The following ABCA13 variants were observed in gnomAD, a reference collection of about 807,000 sequenced individuals.
ABCA13 encodes ATP-binding cassette sub-family A member 13.
A neutral mutation model predicts 478.7 loss-of-function variants in ABCA13; 476 were observed. The observed-to-expected ratio is 0.99, with a 90% CI of 0.92 to 1.07. The LOEUF (loss-of-function observed/expected upper bound fraction) is 1.07, where lower values mean the gene tolerates loss of function less well. Ranked by LOEUF, ABCA13 falls within the 50% of genes least tolerant of loss-of-function variation. ABCA13 has a pLI of 0.00. For missense variants in ABCA13, 6,060 were observed against 5,910.6 expected (o/e 1.03, Z -0.83); for synonymous variants, 2,252 against 2,158.9 (o/e 1.04, Z -1.20).
chr7:48,618,633 A>G (rs1792831984), intron 59 of ABCA13, among the ~76,000 whole-genome samples: 2 of 152,242 alleles, frequency 1.3e-5, no homozygotes, highest in Admixed American at 1.3e-4. Context: ...TGTGATTTCT[A>G]TTGGAAGGAA....
Position 48,644,879 on chromosome 7 carries a change from T to C in ABCA13, c.15081+125T>C, listed in dbSNP as rs562780215. The C allele has an allele frequency of 1.3e-5, 14 of 1,068,850 alleles. No homozygotes were observed. The East Asian group carries it at 3.6e-4, about 27-fold the overall frequency. The allele number at this position is 1,068,850 out of a possible 1,614,324, so 66.2% of individuals were successfully genotyped here. On this transcript the variant is annotated intron_variant, in intron 61 of 61. Transcript: ENST00000435803. Reference sequence around the variant, plus strand: ...TTTATTCAATTCATCTTGTTAAATTTTATAAAATTATGATAAGGATGGTGA... The same window carrying C: ...TTTATTCAATTCATCTTGTTAAATTCTATAAAATTATGATAAGGATGGTGA...
intron 13 of ABCA13, among the ~76,000 whole-genome samples, chr7:48,247,449 G>C (rs921929322): frequency 6.6e-6 from 1 of 152,076 alleles, no homozygotes; most frequent in Non-Finnish European, 1.5e-5. Flanking sequence ...ATATACTTGA[G>C]GTAGCCTTTT....
intron 56 of ABCA13, among the ~76,000 whole-genome samples, chr7:48,586,422 C>G (rs62447337): frequency 0.11 from 16,992 of 152,080 alleles, 1,332 homozygotes; most frequent in African/African-American, 0.23. Flanking sequence ...AAATCACATC[C>G]TTTGCAGCAG....
intron 15 of ABCA13, among the ~76,000 whole-genome samples, chr7:48,265,360 A>G (rs56024157): frequency 0.036 from 5,517 of 151,644 alleles, 305 homozygotes; most frequent in African/African-American, 0.12. Flanking sequence ...AATTGAGTCT[A>G]TAGATGAATT....
chr7:48,508,109 A>T, intron 50 of ABCA13, 60 bp downstream of exon 50: 1 of 1,601,214 alleles, frequency 6.2e-7, no homozygotes, highest in East Asian at 2.2e-5. Flanking sequence ...TAGTGCGTGT[A>T]TGGAGGGATG....
intron 38 of ABCA13, among the ~76,000 whole-genome samples, chr7:48,399,731 CA>C (rs1468361850): frequency 6.6e-6 from 1 of 152,084 alleles, no homozygotes; most frequent in Non-Finnish European, 1.5e-5. Flanking sequence ...TAGATGACAA[CA>C]GCAATGACAA....
chr7:48,293,511 T>C (rs1357285808), intron 20 of ABCA13, among the ~76,000 whole-genome samples: 1 of 152,208 alleles, frequency 6.6e-6, no homozygotes, highest in Non-Finnish European at 1.5e-5. Context: ...TAAGAATATG[T>C]TGATATAAAT....
At chr7:48,174,056 A>G (rs1279229100) in intron 1 of ABCA13, among the ~76,000 whole-genome samples, 1 of 152,250 alleles carries the variant, frequency 6.6e-6, no homozygotes, top group African/African-American at 2.4e-5. Context: ...TATTGAGGGC[A>G]GGCCCCTCTG....
At chr7:48,605,212 C>T (rs1182737875) in intron 58 of ABCA13, among the ~76,000 whole-genome samples, 1 of 152,108 alleles carries the variant, frequency 6.6e-6, no homozygotes, top group Non-Finnish European at 1.5e-5. Context: ...TTAATTGGGG[C>T]ACGTAGCCCA....
At chr7:48,276,626 T>C in intron 17 of ABCA13, 61 bp downstream of exon 17, 4 of 1,379,846 alleles carry the variant, frequency 2.9e-6, no homozygotes, top group Non-Finnish European at 4.1e-6. Flanking sequence ...ACTACTTTAT[T>C]TTCTGGAGTA....
chr7:48,249,345 C>G lies in ABCA13; in HGVS notation c.1999C>G (p.Leu667Val), dbSNP rs746321897. Residue 667 changes from leucine to valine, a missense_variant, in exon 15 of 62, where the codon CTA (leucine) becomes GTA (valine). By Grantham distance (32) the Leu-to-Val change is conservative (BLOSUM62 1). Coordinates refer to ENST00000435803, the MANE Select transcript of ABCA13 (RefSeq NM_152701.5). ...VNMQESFQNRLLAFPEESPCF... is the reference protein window; with the variant it reads ...VNMQESFQNRVLAFPEESPCF... ...TATGCAAGAGAGTTTCCAGAACAGA[C>G]TATTGGGTAAGTCAGTAGCCTAAAC... is the stretch of plus-strand genomic sequence containing the variant. 7 of 1,612,870 alleles carry G rather than the reference C, an allele frequency of 4.3e-6. No homozygotes were observed. In the South Asian group the frequency reaches 7.7e-5, roughly 18 times the overall value.
At position 48,245,999 on chromosome 7, in the gene ABCA13, T is replaced by G. The variant is rs1437632653; in HGVS notation, c.1628T>G (p.Leu543Ter). The change falls in exon 13 of 62, where the codon TTA becomes TGA. Residue 543 changes from leucine to a stop codon, truncating the protein, a stop_gained. Coordinates refer to ENST00000435803, the MANE Select transcript of ABCA13 (RefSeq NM_152701.5). LOFTEE classifies it high-confidence loss of function. ...CYCNSSETSV[L>*]NKLLGSVEDA... Reference sequence around the variant, plus strand: ...TGTAACTCCTCTGAGACGAGTGTTTTAAACAAGCTACTTGGTTCAGTAGAG... The same window carrying G: ...TGTAACTCCTCTGAGACGAGTGTTTGAAACAAGCTACTTGGTTCAGTAGAG... 28 of 1,613,718 alleles carry G rather than the reference T, an allele frequency of 1.7e-5. No individual in the cohort carries two copies. Among genetic ancestry groups the G allele is most frequent in the Non-Finnish European group, 2.4e-5 (28 of 1,179,748 alleles).
chr7:48,418,469 G>T lies in ABCA13; in HGVS notation c.12459+5886G>T, dbSNP rs561356793. Among the ~76,000 whole-genome samples, 25 of 152,218 alleles carry T rather than the reference G, an allele frequency of 1.6e-4. 1 individual carries two copies. The South Asian group carries it at 5.0e-3, about 30-fold the overall frequency. ...GGAGCAACTTTTCATATTCTTATTT[G>T]CCATTTGAATATATTCTTTAATGAG... On this transcript the variant is annotated intron_variant, in intron 41 of 61. Coordinates refer to ENST00000435803, the MANE Select transcript of ABCA13 (RefSeq NM_152701.5).
chr7:48,353,470 T>G (rs1809380284), intron 31 of ABCA13, among the ~76,000 whole-genome samples: 1 of 151,514 alleles, frequency 6.6e-6, no homozygotes, highest in Non-Finnish European at 1.5e-5. Flanking sequence ...GCGTGTTCTC[T>G]TAGTTATGAG....
chr7:48,609,753 C>A (rs1223453234), intron 58 of ABCA13, among the ~76,000 whole-genome samples: 1 of 152,128 alleles, frequency 6.6e-6, no homozygotes, highest in African/African-American at 2.4e-5. Context: ...TTGAAGCTAG[C>A]ACATCTTACG....
At chr7:48,476,418 C>T (rs59915104) in intron 45 of ABCA13, among the ~76,000 whole-genome samples, 1 of 151,824 alleles carries the variant, frequency 6.6e-6, no homozygotes, top group Non-Finnish European at 1.5e-5. Flanking sequence ...TTTATATGTG[C>T]CAGCAAGGGG....
intron 58 of ABCA13, among the ~76,000 whole-genome samples, chr7:48,605,093 C>T (rs1238518430): frequency 1.3e-5 from 2 of 152,140 alleles, no homozygotes; most frequent in Non-Finnish European, 2.9e-5. Context: ...AATATTCCTC[C>T]ATCCCTTTAT....
intron 43 of ABCA13, among the ~76,000 whole-genome samples, chr7:48,462,397 G>C (rs529968964): frequency 6.6e-6 from 1 of 151,754 alleles, no homozygotes; most frequent in Non-Finnish European, 1.5e-5. Context: ...AACTTTTTCT[G>C]TCTGGAATTG....
Position 48,187,654 on chromosome 7 carries a change from A to G in ABCA13, c.70-5305A>G, listed in dbSNP as rs568403393. ...TTATTCCAAAAATTGAAATTTAACT[A>G]GTATGTATTTTCTTTTTATGGTTTC... On this transcript the variant is annotated intron_variant, in intron 1 of 61. Transcript: ENST00000435803. Among the ~76,000 whole-genome samples the G allele has an allele frequency of 2.0e-5, 3 of 152,086 alleles. No individual in the cohort carries two copies. The South Asian group carries it at 6.2e-4, about 32-fold the overall frequency.
Sources: gnomAD v4.1 joint callset for allele counts (sites outside exome capture counted in the v4.1 genomes callset) on GRCh38, gnomAD v4.1.1 for gene constraint, MANE v1.5 for transcripts, NCBI Gene and HGNC (gene_info 2026-07-23, HGNC 2026-07-21) for gene names.